Variants in ZAN observed in about 807,000 individuals in gnomAD.
ZAN encodes zonadhesin (gene/pseudogene).
ZAN carries 260 observed loss-of-function variants against 286.2 expected under a neutral mutation model. The observed-to-expected ratio is 0.91, with a 90% CI of 0.82 to 1.01. The LOEUF is 1.01. Ranked by LOEUF, ZAN falls within the 50% of genes least tolerant of loss-of-function variation. ZAN has a pLI of 0.00. For missense variants in ZAN, 3,410 were observed against 3,639.2 expected (o/e 0.94, Z 1.62); for synonymous variants, 1,368 against 1,417.5 (o/e 0.97, Z 0.79).
intron 14 of ZAN, 99 bp downstream of exon 14, chr7:100,753,328 G>A: frequency 1.6e-6 from 2 of 1,256,628 alleles, no homozygotes; most frequent in Non-Finnish European, 2.1e-6. Context: ...CCTTCTAGTT[G>A]CTTCTAGATG....
At chr7:100,758,428 G>C (rs221816) in intron 16 of ZAN, 85 bp downstream of exon 16, 1 of 1,585,600 alleles carries the variant, frequency 6.3e-7, no homozygotes, top group African/African-American at 1.3e-5. Flanking sequence ...CGCTTGAGCA[G>C]AGGATTGGGG....
rs1584629958 is a variant in ZAN at position 100,788,224 on chromosome 7, C to T, written c.7227+88C>T. 13 of 1,405,630 alleles carry T rather than the reference C, an allele frequency of 9.2e-6. No individual in the cohort carries two copies. The East Asian group carries it at 3.2e-4, about 34-fold the overall frequency. The allele number at this position is 1,405,630 out of a possible 1,614,324, so 87.1% of individuals were successfully genotyped here. A position where few individuals can be genotyped will look rare whatever the true frequency, so the allele number is the denominator to read the frequency against. On this transcript the variant is annotated intron_variant, in intron 38 of 47. Coordinates refer to ENST00000613979, the MANE Select transcript of ZAN (RefSeq NM_003386.3). ...AGTAGAAGTCAGGGATCCCTGTTCC[C>T]TGGGATGTTTGTGGCAGGGGTGGGC... is the stretch of plus-strand genomic sequence containing the variant.
chr7:100,760,745 TGATA>T (rs767680033), intron 19 of ZAN, among the ~76,000 whole-genome samples: 2 of 152,050 alleles, frequency 1.3e-5, no homozygotes, highest in African/African-American at 4.8e-5. Context: ...TCGGGGCATG[TGATA>T]GATAGCAGGA....
At chr7:100,767,647 T>C (rs1810084986) in intron 25 of ZAN, among the ~76,000 whole-genome samples, 184 bp from the exon 26 acceptor site, 1 of 151,594 alleles carries the variant, frequency 6.6e-6, no homozygotes, top group Non-Finnish European at 1.5e-5. Context: ...GCTAATTTTT[T>C]TTTTCACTTT....
chr7:100,788,179 G>C, intron 38 of ZAN, 43 bp downstream of exon 38: 1 of 1,435,916 alleles, frequency 7.0e-7, no homozygotes. Flanking sequence ...GGAGGCAGCT[G>C]GACCAGGTAG....
intron 11 of ZAN, among the ~76,000 whole-genome samples, chr7:100,749,761 A>G (rs1182519297): frequency 1.4e-5 from 2 of 146,794 alleles, no homozygotes; most frequent in East Asian, 4.2e-4. Context: ...TAAAAAGACA[A>G]TAATGAGGGT....
At chr7:100,749,378 C>T (rs1165736469) in intron 11 of ZAN, among the ~76,000 whole-genome samples, 2 of 151,890 alleles carry the variant, frequency 1.3e-5, no homozygotes, top group Non-Finnish European at 2.9e-5. Flanking sequence ...CAGTGGCTCA[C>T]ACCTGTAATC....
chr7:100,736,893 G>C lies in ZAN; in HGVS notation c.338G>C (p.Gly113Ala), dbSNP rs34828430. ...RLLSPDLWEQGPLCVHFAHHM... is the reference protein window; with the variant it reads ...RLLSPDLWEQAPLCVHFAHHM... ...CTCAGCCCCGACCTATGGGAGCAAGGCCCCCTCTGTGTGCACTTTGCCCAC... is the reference window on the plus strand; with the variant it reads ...CTCAGCCCCGACCTATGGGAGCAAGCCCCCCTCTGTGTGCACTTTGCCCAC... The change falls in exon 5 of 48, where the codon GGC becomes GCC. Residue 113 changes from glycine to alanine, a missense_variant. Coordinates refer to ENST00000613979, the MANE Select transcript of ZAN (RefSeq NM_003386.3). 58,626 of 1,488,416 alleles carry C rather than the reference G, an allele frequency of 0.039. 12,170 individuals are homozygous for C. The highest frequency in any genetic ancestry group is 0.048 in the Non-Finnish European group (52,132 of 1,089,960). The allele number at this position is 1,488,416 out of a possible 1,614,324, so 92.2% of individuals were successfully genotyped here.
intron 2 of ZAN, among the ~76,000 whole-genome samples, chr7:100,735,501 A>G (rs1418828196): frequency 1.5e-5 from 2 of 134,712 alleles, no homozygotes; most frequent in African/African-American, 2.7e-5. Context: ...CAGAGGTTTG[A>G]GGCTGCAGTG....
chr7:100,775,952 G>C (rs1007202316), intron 33 of ZAN, 119 bp downstream of exon 33: 2 of 1,336,762 alleles, frequency 1.5e-6, no homozygotes, highest in Non-Finnish European at 1.0e-6. Context: ...CCTCAGGATG[G>C]AGCAGGGCAG....
chr7:100,765,675 A>G, intron 23 of ZAN, 121 bp downstream of exon 23: 1 of 1,293,182 alleles, frequency 7.7e-7, no homozygotes. Flanking sequence ...TTTGAGACGG[A>G]GTTTTGCTCT....
Position 100,764,171 on chromosome 7 carries a change from G to A in ZAN, c.4242G>A (p.Lys1414=). ...TTCQDAGHAV[K]PWREPHFCPM... Reference sequence around the variant, plus strand: ...GCCAGGACGCAGGCCACGCTGTGAAGCCCTGGAGGGAACCCCACTTCTGCC... The same window carrying A: ...GCCAGGACGCAGGCCACGCTGTGAAACCCTGGAGGGAACCCCACTTCTGCC... The change falls in exon 22 of 48, where the codon AAG becomes AAA. Residue 1414 remains lysine (K), a synonymous_variant. Transcript: ENST00000613979. 3 of 1,584,030 alleles carry A rather than the reference G, an allele frequency of 1.9e-6. No individual in the cohort carries two copies. Among genetic ancestry groups the A allele is most frequent in the East Asian group, 2.3e-5 (1 of 44,222 alleles).
intron 15 of ZAN, among the ~76,000 whole-genome samples, chr7:100,757,596 A>T (rs1809232577): frequency 6.6e-6 from 1 of 151,448 alleles, no homozygotes; most frequent in South Asian, 2.1e-4. Context: ...CTCTACTAAA[A>T]ATACAAAAAT....
At chr7:100,771,817 G>A in intron 28 of ZAN, 27 bp from the exon 29 acceptor site, 1 of 1,593,880 alleles carries the variant, frequency 6.3e-7, no homozygotes, top group Non-Finnish European at 8.6e-7. Flanking sequence ...CCCTCCCCTG[G>A]CTCATCTGCC....
At chr7:100,760,831 A>G (rs1035409330) in intron 19 of ZAN, among the ~76,000 whole-genome samples, 1 of 152,180 alleles carries the variant, frequency 6.6e-6, no homozygotes, top group Non-Finnish European at 1.5e-5. Context: ...AAGGGCAGTC[A>G]CCTGGTCCCA....
Position 100,797,609 on chromosome 7 carries a change from G to A in ZAN, c.8399G>A (p.Arg2800Lys). ...EKTQEGDRLARLVDTDTVLDC... is the reference protein window; with the variant it reads ...EKTQEGDRLAKLVDTDTVLDC... ...ACGCAGGAGGGAGACAGACTGGCCAGGCTGGTGGACACAGGTGAGAACCAA... is the reference window on the plus strand; with the variant it reads ...ACGCAGGAGGGAGACAGACTGGCCAAGCTGGTGGACACAGGTGAGAACCAA... The change falls in exon 47 of 48, where the codon AGG (arginine) becomes AAG (lysine). Residue 2800 changes from arginine to lysine, a missense_variant. This residue lies in a region of ZAN where 1,289 missense variants were observed against 1,314.3 expected (regional missense o/e 0.98). Coordinates refer to ENST00000613979, the MANE Select transcript of ZAN (RefSeq NM_003386.3). The A allele has an allele frequency of 6.2e-7, 1 of 1,613,920 alleles. No individual in the cohort carries two copies.
intron 47 of ZAN, 31 bp downstream of exon 47, chr7:100,797,654 G>T (rs117805995): frequency 6.2e-7 from 1 of 1,613,938 alleles, no homozygotes. Flanking sequence ...CCGGAACCTC[G>T]GGGCCTAGAG....
At chr7:100,794,041 C>T (rs1319036615) in intron 43 of ZAN, 23 bp downstream of exon 43, 7 of 1,612,442 alleles carry the variant, frequency 4.3e-6, no homozygotes, top group Non-Finnish European at 5.9e-6. Flanking sequence ...AGCAGGAGGC[C>T]CTGGGGAGCA....
chr7:100,773,653 A>C (rs1286150991), intron 30 of ZAN, 68 bp from the exon 31 acceptor site: 1 of 1,565,184 alleles, frequency 6.4e-7, no homozygotes. Context: ...ACCCAGCTTC[A>C]ACTGGGGCGT....
Sources: gnomAD v4.1 joint callset for allele counts (sites outside exome capture counted in the v4.1 genomes callset) on GRCh38, gnomAD v4.1.1 for gene constraint, gnomAD v4.1.1 regional missense constraint, MANE v1.5 for transcripts, NCBI Gene and HGNC (gene_info 2026-07-23, HGNC 2026-07-21) for gene names.